ROR1: variants seen among roughly 807,000 people sequenced by gnomAD.
ROR1 encodes the protein inactive tyrosine-protein kinase transmembrane receptor ROR1.
ROR1 carries 19 observed loss-of-function variants against 78.8 expected under a neutral mutation model. That is an observed-to-expected ratio of 0.24 (90% CI 0.17 to 0.35). The LOEUF (loss-of-function observed/expected upper bound fraction) is 0.35. ROR1 is among the 10% of genes least tolerant of loss of function. The pLI is 1.00. For synonymous variants in ROR1, 386 were observed against 433.6 expected, an observed-to-expected ratio of 0.89 and a Z score of 1.36; for missense variants, 917 against 1,177.8, an observed-to-expected ratio of 0.78 and a Z score of 3.24.
intron 1 of ROR1, among the ~76,000 whole-genome samples, chr1:63,850,573 A>G (rs376634927): frequency 1.3e-5 from 2 of 151,746 alleles, no homozygotes; most frequent in Non-Finnish European, 2.9e-5. Flanking sequence ...ATGAGAAACT[A>G]TCACAGTTTG....
At chr1:64,007,493 A>C (rs538771611) in intron 1 of ROR1, among the ~76,000 whole-genome samples, 22 of 152,156 alleles carry the variant, frequency 1.4e-4, no homozygotes, top group African/African-American at 5.1e-4. Flanking sequence ...CAAGAACAAC[A>C]ACCAAGATTA....
intron 4 of ROR1, among the ~76,000 whole-genome samples, chr1:64,073,086 G>A (rs1647020807): frequency 6.6e-6 from 1 of 152,188 alleles, no homozygotes; most frequent in Non-Finnish European, 1.5e-5. Context: ...CTATGCAGAA[G>A]CATTGAAATT....
chr1:63,852,843 A>G (rs943919818), intron 1 of ROR1, among the ~76,000 whole-genome samples: 1 of 152,174 alleles, frequency 6.6e-6, no homozygotes, highest in Non-Finnish European at 1.5e-5. Context: ...GCTTTTCTGT[A>G]AGGACTTTAT....
At chr1:63,812,118 G>A (rs779475522) in intron 1 of ROR1, among the ~76,000 whole-genome samples, 11 of 151,964 alleles carry the variant, frequency 7.2e-5, no homozygotes, top group East Asian at 1.9e-4. Context: ...GTGCCGCCAC[G>A]CCTGGCTAAT....
intron 4 of ROR1, among the ~76,000 whole-genome samples, chr1:64,075,530 A>C (rs868411611): frequency 6.6e-6 from 1 of 152,148 alleles, no homozygotes; most frequent in African/African-American, 2.4e-5. Context: ...TACACCATCA[A>C]TGTTAGCTCC....
chr1:64,141,787 A>G (rs1318230026), intron 6 of ROR1, among the ~76,000 whole-genome samples: 1 of 152,098 alleles, frequency 6.6e-6, no homozygotes, highest in Non-Finnish European at 1.5e-5. Context: ...CAACATTATT[A>G]TTATTGTCAT....
intron 1 of ROR1, among the ~76,000 whole-genome samples, chr1:63,777,210 T>G (rs1471993173): frequency 6.6e-6 from 1 of 152,152 alleles, no homozygotes; most frequent in Non-Finnish European, 1.5e-5. Flanking sequence ...CTCAAAATCT[T>G]ATAGATTCTG....
In ROR1 at chr1:63,985,439, G is replaced by C. The variant is rs531360965; in HGVS notation, c.92-23866G>C. On this transcript the variant is annotated intron_variant, in intron 1 of 8. Transcript: ENST00000371079. ...TAATTCGAATTTCCAAATCACCACC[G>C]ATTGCCCATCCCTAATCAAAAAATT... Among the ~76,000 whole-genome samples, 20 of 152,120 alleles carry C rather than the reference G, an allele frequency of 1.3e-4. No individual in the cohort carries two copies. The South Asian group carries it at 3.7e-3, about 28-fold the overall frequency.
intron 7 of ROR1, 63 bp from the exon 8 acceptor site, chr1:64,158,918 T>C (rs140090107): frequency 8.2e-7 from 1 of 1,222,950 alleles, no homozygotes; most frequent in East Asian, 2.3e-5. Flanking sequence ...AACTATGCAA[T>C]GTAATATTAT....
intron 4 of ROR1, among the ~76,000 whole-genome samples, chr1:64,119,228 G>C (rs902178551): frequency 6.6e-6 from 1 of 152,112 alleles, no homozygotes. Flanking sequence ...CCCTTTTACT[G>C]CCTTTTTCAG....
chr1:64,163,238 C>CACACACACACACACACACAT (rs1210207936), intron 8 of ROR1, among the ~76,000 whole-genome samples: 6 of 145,692 alleles, frequency 4.1e-5, no homozygotes, highest in African/African-American at 1.6e-4. Context: ...CACACACACA[C>CACACACACACACACACACAT]ACACACACAC....
chr1:64,153,725 T>C (rs1449221339), intron 7 of ROR1, among the ~76,000 whole-genome samples: 1 of 151,838 alleles, frequency 6.6e-6, no homozygotes, highest in Non-Finnish European at 1.5e-5. Context: ...GAAAGTACCA[T>C]GGTGGTTGTC....
chr1:64,039,338 T>C (rs766787410), intron 2 of ROR1, among the ~76,000 whole-genome samples: 15 of 152,162 alleles, frequency 9.9e-5, no homozygotes, highest in East Asian at 3.9e-4. Context: ...TTAACCAAGA[T>C]GTGACTTTAG....
chr1:63,919,003 A>G (rs1349471076), intron 1 of ROR1, among the ~76,000 whole-genome samples: 1 of 38,212 alleles, frequency 2.6e-5, no homozygotes, highest in East Asian at 7.1e-3. Context: ...ATGTTAATGC[A>G]TATCTTGAGA....
chr1:64,072,230 C>A (rs1157453068), intron 4 of ROR1, among the ~76,000 whole-genome samples: 1 of 152,174 alleles, frequency 6.6e-6, no homozygotes, highest in African/African-American at 2.4e-5. Flanking sequence ...ATTCACTTTG[C>A]ATGATGCCTG....
chr1:63,971,764 G>A (rs547384226), intron 1 of ROR1, among the ~76,000 whole-genome samples: 4 of 152,246 alleles, frequency 2.6e-5, no homozygotes, highest in Admixed American at 6.5e-5. Flanking sequence ...TGTGGTCACC[G>A]GAATCACGGC....
In ROR1 at chr1:63,966,234, T is replaced by C. The variant is rs556744049; in HGVS notation, c.92-43071T>C. On this transcript the variant is annotated intron_variant, in intron 1 of 8. Transcript: ENST00000371079. Reference sequence around the variant, plus strand: ...CTCAGCAATTGGAGATGCCGCTCTCTTGGTTCAGTTACTCAGAGCTGTCAA... The same window carrying C: ...CTCAGCAATTGGAGATGCCGCTCTCCTGGTTCAGTTACTCAGAGCTGTCAA... Among the ~76,000 whole-genome samples, 104 of 152,322 alleles carry C rather than the reference T, an allele frequency of 6.8e-4. 2 individuals are homozygous for C. In the South Asian group the frequency reaches 0.02, roughly 29 times the overall value.
chr1:63,956,608 T>A (rs910088107), intron 1 of ROR1, among the ~76,000 whole-genome samples: 1 of 152,220 alleles, frequency 6.6e-6, no homozygotes, highest in African/African-American at 2.4e-5. Flanking sequence ...GGGTCCTTAA[T>A]ACTGGCATTG....
intron 1 of ROR1, among the ~76,000 whole-genome samples, chr1:63,842,558 T>C (rs1048885908): frequency 1.3e-5 from 2 of 152,168 alleles, no homozygotes; most frequent in African/African-American, 4.8e-5. Context: ...CATAAACATC[T>C]TTGAAAAGTT....
Sources: allele counts gnomAD v4.1 joint callset (sites outside exome capture counted in the v4.1 genomes callset), GRCh38; gene constraint gnomAD v4.1.1; transcripts MANE v1.5; gene names NCBI Gene and HGNC (gene_info 2026-07-23, HGNC 2026-07-21).